ABCD4: variants seen among roughly 807,000 people sequenced by gnomAD.
The protein encoded by ABCD4 is ATP binding cassette subfamily D member 4, also known as lysosomal cobalamin transporter ABCD4.
A neutral mutation model predicts 86.3 loss-of-function variants in ABCD4; 53 were observed. The observed-to-expected ratio is 0.61, with a 90% confidence interval of 0.49 to 0.77. ABCD4 has a LOEUF of 0.77. ABCD4 is among the 30% of genes least tolerant of loss of function. ABCD4 has a pLI of 0.00. For missense variants in ABCD4, 757 were observed against 764.5 expected (o/e 0.99, Z 0.12); for synonymous variants, 328 against 313.6 (o/e 1.05, Z -0.49).
chr14:74,289,975 G>A (rs769871153), intron 13 of ABCD4, 52 bp downstream of exon 13: 12 of 1,612,552 alleles, frequency 7.4e-6, no homozygotes, highest in Non-Finnish European at 1.0e-5. Flanking sequence ...GGTCCCAGCT[G>A]TGGGTGGGCG....
chr14:74,292,231 C>A, intron 11 of ABCD4, 56 bp downstream of exon 11: 1 of 1,567,438 alleles, frequency 6.4e-7, no homozygotes, highest in Middle Eastern at 1.7e-4. Context: ...GTAACCCAAG[C>A]CAGGTGATGC....
chr14:74,289,589 T>TCC, intron 13 of ABCD4, 70 bp from the exon 14 acceptor site: 1 of 1,582,022 alleles, frequency 6.3e-7, no homozygotes, highest in South Asian at 1.1e-5. Context: ...CAGCCCACCC[T>TCC]CCCTCCAGAA....
chr14:74,292,495 T>C (rs944028653), intron 10 of ABCD4, 56 bp downstream of exon 10: 10 of 1,601,750 alleles, frequency 6.2e-6, no homozygotes, highest in African/African-American at 1.3e-5. Flanking sequence ...ACTCAGCCAC[T>C]TCTGCCAGCA....
chr14:74,287,747 A>T, intron 17 of ABCD4, 63 bp downstream of exon 17: 1 of 1,482,250 alleles, frequency 6.7e-7, no homozygotes, highest in East Asian at 2.4e-5. Flanking sequence ...CTGTGAACAC[A>T]TGCTGCTACA....
chr14:74,287,904 A>G lies in ABCD4; in HGVS notation c.1560-18T>C, dbSNP rs753060173. 8.7e-6 allele frequency: 14 copies of G among 1,603,944 alleles called. No homozygotes were observed. Among genetic ancestry groups the G allele is most frequent in the African/African-American group, 1.3e-5 (1 of 74,526 alleles). Reference sequence around the variant, plus strand: ...CATCATACCTGAGGAAAGGTAGGAGAGAGGACTGCTAGAGGAGGAAGAATA... The same window carrying G: ...CATCATACCTGAGGAAAGGTAGGAGGGAGGACTGCTAGAGGAGGAAGAATA... On this transcript the variant is annotated intron_variant, in intron 16 of 18. Transcript: ENST00000356924.
chr14:74,296,739 C>T, intron 4 of ABCD4: 1 of 329,046 alleles, frequency 3.0e-6, no homozygotes, highest in Non-Finnish European at 5.6e-6. Flanking sequence ...CTGAGCAGAG[C>T]CAAAGAAAAA....
In ABCD4 at chr14:74,295,919, G is replaced by A. The variant is rs149779191; in HGVS notation, c.603C>T (p.Asn201=). Residue 201 remains asparagine, a synonymous_variant, in exon 6 of 19, where the codon AAC becomes AAT. Coordinates refer to ENST00000356924, the MANE Select transcript of ABCD4 (RefSeq NM_005050.4). ...TCACAATGGGGCCCATCAAAGTTTT[G>A]TTCACCACGGTCCCCAGGATGAAAT... is the stretch of plus-strand genomic sequence containing the variant. ...FGYFILGTVV[N]KTLMGPIVMK... 2.5e-5 allele frequency: 41 copies of A among 1,612,934 alleles called. No individual in the cohort carries two copies. The highest frequency in any genetic ancestry group is 3.2e-5 in the Non-Finnish European group (38 of 1,179,782).
At chr14:74,288,988 T>G in intron 14 of ABCD4, 1 of 904,520 alleles carries the variant, frequency 1.1e-6, no homozygotes, top group Non-Finnish European at 1.5e-6. Context: ...GGCGTGCACC[T>G]GTAGCCCCAG....
intron 6 of ABCD4, 43 bp downstream of exon 6, chr14:74,295,811 C>A (rs2140000227): frequency 6.2e-7 from 1 of 1,608,700 alleles, no homozygotes; most frequent in Non-Finnish European, 8.5e-7. Flanking sequence ...CCTTCCTTAA[C>A]TATTATGCCC....
intron 1 of ABCD4, among the ~76,000 whole-genome samples, chr14:74,301,038 G>C (rs1386530273): frequency 6.6e-6 from 1 of 151,992 alleles, no homozygotes; most frequent in Non-Finnish European, 1.5e-5. Flanking sequence ...TTTTTAGTAG[G>C]AGACGGGGTT....
chr14:74,296,932 T>C (rs2083021374), intron 4 of ABCD4: 1 of 153,110 alleles, frequency 6.5e-6, no homozygotes. Flanking sequence ...ATGGAAGCCA[T>C]AGCCATCAGA....
Position 74,300,287 on chromosome 14 carries a change from G to A in ABCD4, c.39-19C>T, listed in dbSNP as rs763932442. On this transcript the variant is annotated intron_variant, in intron 1 of 18. Transcript: ENST00000356924. The stretch of plus-strand genomic sequence containing the variant: ...CCTGGGCCTGAAGAGAAGGTGGGGA[G>A]GCAGAGAAAAGCCCAAGACAATAAT... The A allele has an allele frequency of 1.6e-5, 24 of 1,543,414 alleles. No individual in the cohort carries two copies. The highest frequency in any genetic ancestry group is 1.6e-5 in the Non-Finnish European group (18 of 1,116,478).
chr14:74,296,472 G>A, intron 4 of ABCD4, 23 bp from the exon 5 acceptor site: 1 of 1,610,338 alleles, frequency 6.2e-7, no homozygotes, highest in Non-Finnish European at 8.5e-7. Flanking sequence ...ACACAGAGTA[G>A]CTGGACCCAG....
intron 3 of ABCD4, among the ~76,000 whole-genome samples, chr14:74,298,571 T>A (rs2083483406): frequency 6.6e-6 from 1 of 152,102 alleles, no homozygotes. Flanking sequence ...GTACCCAGCC[T>A]CCTTCACCAA....
chr14:74,302,806 G>A (rs2085044881), intron 1 of ABCD4, 69 bp downstream of exon 1: 10 of 1,460,536 alleles, frequency 6.8e-6, no homozygotes, highest in South Asian at 1.3e-5. Flanking sequence ...GGCACGGAGG[G>A]CAGGAAAGCC....
rs757801457 is a variant in ABCD4 at position 74,292,835 on chromosome 14, G to T, written c.849C>A (p.Ile283=). 4 of 1,614,142 alleles carry T rather than the reference G, an allele frequency of 2.5e-6. No homozygotes were observed. The East Asian group carries it at 8.9e-5, about 36-fold the overall frequency. The change falls in exon 9 of 19, where the codon ATC becomes ATA. Residue 283 remains isoleucine (I), a synonymous_variant. Transcript: ENST00000356924. ...GINTFDYLGS[I]LSYVVIAIPI... ...GGATTGCGATGACAACGTAACTCAG[G>T]ATGCTGCCCAGATAGTCAAAGGTGT...
Position 74,302,877 on chromosome 14 carries a change from G to T in ABCD4, c.36C>A (p.Ala12=). The change falls in exon 1 of 19, where the codon GCC becomes GCA. Residue 12 remains alanine (A), a splice_region_variant and synonymous_variant. Coordinates refer to ENST00000356924, the MANE Select transcript of ABCD4 (RefSeq NM_005050.4). ...TCCTCCCCGACCGCCCTGCTTACCT[G>T]GCGCCAGCTCCGGGCGCGGGCCCCG... is the stretch of plus-strand genomic sequence containing the variant. ...AVAGPAPGAG[A]RPRLDLQFLQ... 1 of 1,607,312 alleles carries T rather than the reference G, an allele frequency of 6.2e-7. No homozygotes were observed. Among genetic ancestry groups the T allele is most frequent in the Non-Finnish European group, 8.5e-7 (1 of 1,177,206 alleles).
intron 1 of ABCD4, among the ~76,000 whole-genome samples, chr14:74,301,847 C>A (rs566804022): frequency 6.6e-6 from 1 of 151,920 alleles, no homozygotes; most frequent in African/African-American, 2.4e-5. Flanking sequence ...TGCAGTGAGC[C>A]GAGATCATGC....
intron 17 of ABCD4, 136 bp downstream of exon 17, chr14:74,287,674 C>T: frequency 7.7e-6 from 6 of 781,472 alleles, no homozygotes; most frequent in Non-Finnish European, 1.3e-5. Context: ...ACGGGCAGGG[C>T]CTGCTGTCCT....
Sources: gnomAD v4.1 joint callset for allele counts (sites outside exome capture counted in the v4.1 genomes callset) on GRCh38, gnomAD v4.1.1 for gene constraint, MANE v1.5 for transcripts, NCBI Gene and HGNC (gene_info 2026-07-23, HGNC 2026-07-21) for gene names.